DERA: variants seen among roughly 807,000 people sequenced by gnomAD.
DERA encodes the protein deoxyribose-phosphate aldolase.
A neutral mutation model predicts 41.1 loss-of-function variants in DERA; 15 were observed. That is an observed-to-expected ratio of 0.37 (90% confidence interval 0.24 to 0.56). The LOEUF (loss-of-function observed/expected upper bound fraction) is 0.56. Among genes scored for constraint, DERA ranks in the 20% least tolerant of loss-of-function variants. The probability of loss-of-function intolerance (pLI) is 0.81; values close to 1 mark genes in which losing one functional copy is unlikely to be tolerated. For synonymous variants in DERA, 139 were observed against 137.4 expected (o/e 1.01, Z -0.08); for missense variants, 396 against 403.4 (o/e 0.98, Z 0.16).
rs1248267964 is a variant in DERA at position 16,012,241 on chromosome 12, T to G, written c.638-20301T>G. Among the ~76,000 whole-genome samples, 1 of 152,116 alleles carries G rather than the reference T, an allele frequency of 6.6e-6. No homozygotes were observed. Among genetic ancestry groups the G allele is most frequent in the African/African-American group, 2.4e-5 (1 of 41,414 alleles). ...TCCTACACAGTCATGAGTTTATAAG[T>G]GTAGTTTTAGAGTTACTCCTGTGTA... On this transcript the variant is annotated intron_variant, in intron 6 of 8. Transcript: ENST00000428559. This position sits in a 1 kb window ranked among gnomAD's most constrained non-coding sequence, Gnocchi z 4.1.
intron 1 of DERA, among the ~76,000 whole-genome samples, chr12:15,933,576 C>T (rs1948344767): frequency 6.6e-6 from 1 of 152,150 alleles, no homozygotes; most frequent in Non-Finnish European, 1.5e-5. Context: ...TATTTCAAGT[C>T]TAGAGTTTGA....
At chr12:16,032,795 A>G in intron 7 of DERA, 141 bp downstream of exon 7, 2 of 635,932 alleles carry the variant, frequency 3.1e-6, no homozygotes, top group Admixed American at 3.0e-5. Context: ...TTTACCTTTC[A>G]TTATAAAAGA....
At chr12:15,953,012 G>C (rs1948509949) in intron 1 of DERA, among the ~76,000 whole-genome samples, 1 of 152,124 alleles carries the variant, frequency 6.6e-6, no homozygotes, top group Non-Finnish European at 1.5e-5. Flanking sequence ...GTGCCTTGTA[G>C]GATACTGAGC....
At chr12:15,974,835 A>G (rs1948686585) in intron 5 of DERA, among the ~76,000 whole-genome samples, 1 of 152,134 alleles carries the variant, frequency 6.6e-6, no homozygotes, top group Non-Finnish European at 1.5e-5. Flanking sequence ...TCTGGGCATG[A>G]TGTGGAACCC....
intron 5 of DERA, among the ~76,000 whole-genome samples, chr12:15,971,037 G>C (rs1235626797): frequency 2.6e-5 from 4 of 152,206 alleles, no homozygotes; most frequent in African/African-American, 7.2e-5. Context: ...TGTACAGATT[G>C]ATCACTATGA....
rs1948830919 is a variant in DERA at position 15,995,507 on chromosome 12, C to T, written c.637+13071C>T. Among the ~76,000 whole-genome samples the T allele has an allele frequency of 6.6e-6, 1 of 152,146 alleles. No individual in the cohort carries two copies. Among genetic ancestry groups the T allele is most frequent in the Non-Finnish European group, 1.5e-5 (1 of 68,018 alleles). On this transcript the variant is annotated intron_variant, in intron 6 of 8. Coordinates refer to ENST00000428559, the MANE Select transcript of DERA (RefSeq NM_015954.4). This position sits in a 1 kb window ranked among gnomAD's most constrained non-coding sequence, Gnocchi z 5.1. ...AACCAGGGTTGTGATACAACTGCCACTTGAGTTCTGTACTTTTCTTCCAGA... is the reference window on the plus strand; with the variant it reads ...AACCAGGGTTGTGATACAACTGCCATTTGAGTTCTGTACTTTTCTTCCAGA...
At chr12:15,963,922 G>C (rs1343554657) in intron 5 of DERA, among the ~76,000 whole-genome samples, 1 of 152,110 alleles carries the variant, frequency 6.6e-6, no homozygotes, top group Non-Finnish European at 1.5e-5. Context: ...TAATTCCATT[G>C]ATTGTCAATT....
chr12:15,948,641 C>T (rs1456277681), intron 1 of DERA, among the ~76,000 whole-genome samples: 8 of 152,132 alleles, frequency 5.3e-5, no homozygotes, highest in Admixed American at 5.2e-4. Context: ...TGCGACTGGT[C>T]GAACTTCCTC....
intron 1 of DERA, among the ~76,000 whole-genome samples, chr12:15,937,518 T>C (rs1948377686): frequency 6.6e-6 from 1 of 152,254 alleles, no homozygotes; most frequent in South Asian, 2.1e-4. Context: ...TCCAATACCA[T>C]GTGAATGTCT....
intron 6 of DERA, among the ~76,000 whole-genome samples, chr12:16,007,971 C>T (rs1391606369): frequency 1.3e-5 from 2 of 152,158 alleles, no homozygotes; most frequent in Non-Finnish European, 2.9e-5. Context: ...ATGCCTCAGC[C>T]TCCCTAGTAG....
intron 1 of DERA, among the ~76,000 whole-genome samples, chr12:15,925,822 CTTTTTT>C (rs35956433): frequency 2.1e-5 from 2 of 95,288 alleles, no homozygotes; most frequent in African/African-American, 4.4e-5. Context: ...ACTCCTGAGG[CTTTTTT>C]TTTTTTTTTT....
intron 4 of DERA, among the ~76,000 whole-genome samples, chr12:15,961,689 G>A (rs1268903762): frequency 6.6e-6 from 1 of 152,130 alleles, no homozygotes; most frequent in East Asian, 1.9e-4. Flanking sequence ...TTCAGTTTTT[G>A]CTTTAAACAA....
intron 3 of DERA, among the ~76,000 whole-genome samples, chr12:15,958,816 G>C (rs967412037): frequency 6.6e-6 from 1 of 152,128 alleles, no homozygotes; most frequent in African/African-American, 2.4e-5. Flanking sequence ...CATATTCACT[G>C]CCTTAGTATA....
chr12:15,919,020 C>T (rs188900808), intron 1 of DERA, among the ~76,000 whole-genome samples: 1 of 152,236 alleles, frequency 6.6e-6, no homozygotes, highest in East Asian at 1.9e-4. Context: ...GAAATACATA[C>T]ACAGAGTCAA....
intron 5 of DERA, among the ~76,000 whole-genome samples, chr12:15,978,639 A>G (rs1422951826): frequency 6.6e-6 from 1 of 152,200 alleles, no homozygotes; most frequent in Non-Finnish European, 1.5e-5. Flanking sequence ...TTCTTAGCTT[A>G]AAAACAAACT....
At chr12:15,960,652 A>AAAC (rs1432818313) in intron 4 of DERA, among the ~76,000 whole-genome samples, 3 of 151,092 alleles carry the variant, frequency 2.0e-5, no homozygotes, top group East Asian at 1.9e-4. Context: ...AAAAAAAAAA[A>AAAC]AAAAAAAAAA....
intron 1 of DERA, among the ~76,000 whole-genome samples, chr12:15,912,986 A>G (rs781597233): frequency 1.3e-5 from 2 of 152,162 alleles, no homozygotes; most frequent in Non-Finnish European, 2.9e-5. Context: ...CTTAGATTGG[A>G]ATATCCTTGA....
At position 15,935,847 on chromosome 12, in the gene DERA, T is replaced by C. The variant is rs1253555715; in HGVS notation, c.32-21089T>C. On this transcript the variant is annotated intron_variant, in intron 1 of 8. Transcript: ENST00000428559. The surrounding 1 kb of genome is among the most constrained non-coding windows in gnomAD (Gnocchi z 4.8). The stretch of plus-strand genomic sequence containing the variant: ...TGAGAATGGCTTAGCTGGGTGGTTC[T>C]GGCTTGGGGTCTCTCATGAGGTTGC... 6.6e-6 allele frequency among the ~76,000 whole-genome samples: 1 copy of C among 152,208 alleles called. No homozygotes were observed. Among genetic ancestry groups the C allele is most frequent in the African/African-American group, 2.4e-5 (1 of 41,456 alleles).
chr12:15,945,779 G>C (rs1948442788), intron 1 of DERA, among the ~76,000 whole-genome samples: 1 of 152,068 alleles, frequency 6.6e-6, no homozygotes, highest in African/African-American at 2.4e-5. Flanking sequence ...TAGGAGTGGT[G>C]GGTGAGAGAG....
Sources: gnomAD v4.1 joint callset for allele counts (sites outside exome capture counted in the v4.1 genomes callset) on GRCh38, gnomAD v4.1.1 for gene constraint, Gnocchi (gnomAD v3.1) non-coding constraint, MANE v1.5 for transcripts, NCBI Gene and HGNC (gene_info 2026-07-23, HGNC 2026-07-21) for gene names.